Variants in ZNF385D observed in about 807,000 individuals in gnomAD.
ZNF385D encodes the protein zinc finger protein 659.
In ZNF385D, 15 loss-of-function variants were observed where a neutral mutation model predicts 35.8. The ratio of observed to expected loss-of-function variants is 0.42; its 90% confidence interval spans 0.28 to 0.64. The LOEUF (loss-of-function observed/expected upper bound fraction) is 0.64, where lower values mean the gene tolerates loss of function less well. ZNF385D is among the 30% of genes least tolerant of loss of function. The pLI is 0.23. For synonymous variants in ZNF385D, 212 were observed against 186.8 expected (o/e 1.13, Z -1.10); for missense variants, 474 against 494.6 (o/e 0.96, Z 0.39).
At chr3:22,080,530 ATTAAC>A (rs1408224506) in intron 3 of ZNF385D, among the ~76,000 whole-genome samples, 2 of 152,134 alleles carry the variant, frequency 1.3e-5, no homozygotes, top group African/African-American at 4.8e-5. Flanking sequence ...TATAACAGTT[ATTAAC>A]TTTATAAACT....
chr3:21,701,919 G>T (rs913004999), intron 1 of ZNF385D, among the ~76,000 whole-genome samples: 9 of 152,128 alleles, frequency 5.9e-5, no homozygotes, highest in Non-Finnish European at 1.2e-4. Flanking sequence ...CCGTCTCTAT[G>T]GCTTTCCAGG....
At chr3:21,478,759 T>C (rs187281528) in intron 4 of ZNF385D, among the ~76,000 whole-genome samples, 9 of 152,266 alleles carry the variant, frequency 5.9e-5, no homozygotes, top group Admixed American at 4.6e-4. Flanking sequence ...CAATCTCTTT[T>C]ATTCAAGTTT....
chr3:22,104,222 C>T (rs1039150585), intron 3 of ZNF385D, among the ~76,000 whole-genome samples: 11 of 152,210 alleles, frequency 7.2e-5, no homozygotes, highest in East Asian at 5.8e-4. Context: ...TCTGTGAAAA[C>T]CTTCTCTCCT....
intron 5 of ZNF385D, among the ~76,000 whole-genome samples, chr3:21,436,659 GTAAA>G (rs1370581079): frequency 2.6e-5 from 4 of 151,968 alleles, no homozygotes; most frequent in East Asian, 1.9e-4. Context: ...GCAAATGCAT[GTAAA>G]TAAATAAACA....
chr3:21,511,701 G>T (rs1241494822), intron 3 of ZNF385D: 1 of 456,530 alleles, frequency 2.2e-6, no homozygotes, highest in Non-Finnish European at 4.4e-6. Flanking sequence ...TTGTTGGGAG[G>T]CTCCAGTGTG....
intron 2 of ZNF385D, among the ~76,000 whole-genome samples, chr3:22,274,472 T>C (rs1331068875): frequency 2.0e-5 from 3 of 151,966 alleles, no homozygotes; most frequent in African/African-American, 7.2e-5. Flanking sequence ...AGTATTAGGC[T>C]CTGAGGAAGC....
chr3:22,020,697 C>A (rs1697169858), intron 3 of ZNF385D, among the ~76,000 whole-genome samples: 2 of 151,994 alleles, frequency 1.3e-5, no homozygotes, highest in Admixed American at 6.6e-5. Flanking sequence ...TTAGTATAGC[C>A]TCTATGAAAA....
At chr3:21,966,685 G>T (rs760898685) in intron 3 of ZNF385D, among the ~76,000 whole-genome samples, 2 of 152,110 alleles carry the variant, frequency 1.3e-5, no homozygotes, top group Non-Finnish European at 2.9e-5. Context: ...GGGTTCAATC[G>T]ATTTTCCTGC....
At chr3:21,602,690 G>A (rs867603808) in intron 2 of ZNF385D, among the ~76,000 whole-genome samples, 21 of 148,010 alleles carry the variant, frequency 1.4e-4, no homozygotes, top group South Asian at 1.1e-3. Flanking sequence ...CCGCCACCGC[G>A]CCCGGCTAAT....
At position 21,692,559 on chromosome 3, in the gene ZNF385D, G is replaced by A. The variant is rs151311695; in HGVS notation, c.23-27531C>T. Reference sequence around the variant, plus strand: ...CTTCTCAACCCTCCTCTTCCTACTTGACACCAGTCACTTTGTGCCTTCACA... The same window carrying A: ...CTTCTCAACCCTCCTCTTCCTACTTAACACCAGTCACTTTGTGCCTTCACA... On this transcript the variant is annotated intron_variant, in intron 1 of 7. Coordinates refer to ENST00000281523, the MANE Select transcript of ZNF385D (RefSeq NM_024697.3). Among the ~76,000 whole-genome samples, 431 of 152,286 alleles carry A rather than the reference G, an allele frequency of 2.8e-3. 3 individuals carry two copies. In the Middle Eastern group the frequency reaches 0.044, roughly 16 times the overall value.
chr3:21,945,993 T>G (rs889008757), intron 3 of ZNF385D, among the ~76,000 whole-genome samples: 2 of 152,194 alleles, frequency 1.3e-5, no homozygotes, highest in South Asian at 4.1e-4. Context: ...AACTCAGTAA[T>G]CATCTCTTAA....
intron 3 of ZNF385D, among the ~76,000 whole-genome samples, chr3:21,534,065 T>C (rs1347647570): frequency 2.6e-5 from 4 of 152,004 alleles, no homozygotes; most frequent in Non-Finnish European, 5.9e-5. Context: ...CTTTAATCTT[T>C]AGAGCCAGCT....
In ZNF385D at chr3:21,797,958, G is replaced by A. The variant is rs974371814; in HGVS notation, c.326-132930C>T. Among the ~76,000 whole-genome samples, 7 of 152,274 alleles carry A rather than the reference G, an allele frequency of 4.6e-5. 1 individual carries two copies. The South Asian group carries it at 1.5e-3, about 32-fold the overall frequency. On this transcript the variant is annotated intron_variant, in intron 3 of 5. Transcript: ENST00000494108. The stretch of plus-strand genomic sequence containing the variant: ...CCATTATACATTTGTCTAAATATTA[G>A]AAGTGTATTCAAACCCATAAAATGT...
intron 3 of ZNF385D, among the ~76,000 whole-genome samples, chr3:21,840,100 C>A (rs570370418): frequency 6.6e-5 from 10 of 151,928 alleles, no homozygotes; most frequent in Admixed American, 1.3e-4. Context: ...GCTTTTTATA[C>A]GCATATTTTT....
intron 2 of ZNF385D, among the ~76,000 whole-genome samples, chr3:21,614,375 A>G (rs2064778470): frequency 6.6e-6 from 1 of 152,164 alleles, no homozygotes; most frequent in Non-Finnish European, 1.5e-5. Context: ...TTCCCTAAGG[A>G]GCTCATTTCA....
intron 2 of ZNF385D, among the ~76,000 whole-genome samples, chr3:21,614,229 G>C (rs1436995566): frequency 6.6e-6 from 1 of 152,144 alleles, no homozygotes; most frequent in Non-Finnish European, 1.5e-5. Context: ...TGGGCTTATA[G>C]ATGGCCACCT....
At chr3:21,739,726 G>C (rs1203235644) in intron 1 of ZNF385D, among the ~76,000 whole-genome samples, 1 of 152,186 alleles carries the variant, frequency 6.6e-6, no homozygotes, top group African/African-American at 2.4e-5. Flanking sequence ...ATGCAATAAA[G>C]ATGATCCATG....
At chr3:21,854,779 G>T (rs75109726) in intron 3 of ZNF385D, among the ~76,000 whole-genome samples, 5,811 of 151,866 alleles carry the variant, frequency 0.038, 382 homozygotes, top group African/African-American at 0.13. Flanking sequence ...AATATTTGTT[G>T]ACTGATAGAT....
intron 3 of ZNF385D, among the ~76,000 whole-genome samples, chr3:22,115,225 G>A (rs1451303004): frequency 1.3e-5 from 2 of 152,040 alleles, no homozygotes; most frequent in Non-Finnish European, 2.9e-5. Flanking sequence ...GTCAGGCCAT[G>A]AGCAAAATTT....
Sources: gnomAD v4.1 joint callset for allele counts (sites outside exome capture counted in the v4.1 genomes callset) on GRCh38, gnomAD v4.1.1 for gene constraint, MANE v1.5 for transcripts, NCBI Gene and HGNC (gene_info 2026-07-23, HGNC 2026-07-21) for gene names.